Variants in PACSIN2 observed in about 807,000 individuals in gnomAD.
The protein encoded by PACSIN2 is protein kinase C and casein kinase substrate in neurons protein 2.
PACSIN2 carries 25 observed loss-of-function variants against 63.8 expected under a neutral mutation model. That is an observed-to-expected ratio of 0.39 (90% CI 0.29 to 0.55). The LOEUF (loss-of-function observed/expected upper bound fraction) is 0.55. Among genes scored for constraint, PACSIN2 ranks in the 20% least tolerant of loss-of-function variants. PACSIN2 has a pLI of 0.62. For missense variants in PACSIN2, 518 were observed against 646.9 expected (o/e 0.80, Z 2.16); for synonymous variants, 255 against 256.2 (o/e 1.00, Z 0.05).
intron 1 of PACSIN2, among the ~76,000 whole-genome samples, chr22:42,992,987 A>C (rs889847478): frequency 1.3e-5 from 2 of 152,140 alleles, no homozygotes; most frequent in African/African-American, 4.8e-5. Flanking sequence ...AACACAGTGA[A>C]GCCCCGTCTC....
At chr22:42,893,349 A>C in intron 3 of PACSIN2, 108 bp downstream of exon 3, 2 of 1,191,428 alleles carry the variant, frequency 1.7e-6, no homozygotes, top group African/African-American at 3.0e-5. Flanking sequence ...CTCTTGCCCC[A>C]ATCTTAAAAG....
At chr22:42,962,650 T>C (rs1210963074) in intron 1 of PACSIN2, among the ~76,000 whole-genome samples, 1 of 151,378 alleles carries the variant, frequency 6.6e-6, no homozygotes, top group Admixed American at 6.6e-5. Flanking sequence ...CCAGCAGCCA[T>C]TCACAGTCCA....
chr22:42,897,502 T>A (rs1365555806), intron 2 of PACSIN2, among the ~76,000 whole-genome samples: 1 of 152,240 alleles, frequency 6.6e-6, no homozygotes, highest in Non-Finnish European at 1.5e-5. Context: ...TCCAAACATA[T>A]TAATTGCTTC....
chr22:42,972,723 C>CT (rs1377806770), intron 1 of PACSIN2, among the ~76,000 whole-genome samples: 1 of 152,062 alleles, frequency 6.6e-6, no homozygotes, highest in African/African-American at 2.4e-5. Context: ...CTGCCTCACT[C>CT]TAAGAAAAGT....
At chr22:42,912,258 A>G (rs1601508043) in intron 1 of PACSIN2, 101 bp from the exon 2 acceptor site, 1 of 559,610 alleles carries the variant, frequency 1.8e-6, no homozygotes, top group Non-Finnish European at 3.1e-6. Flanking sequence ...CACTGCCTTC[A>G]GTACAGGGCG....
intron 1 of PACSIN2, among the ~76,000 whole-genome samples, chr22:42,916,409 G>A (rs1931808599): frequency 6.7e-6 from 1 of 150,202 alleles, no homozygotes; most frequent in African/African-American, 2.5e-5. Context: ...GGGTGGGGGT[G>A]GGGATGGGGG....
Position 42,871,458 on chromosome 22 carries a change from T to A in PACSIN2, c.1360A>T (p.Thr454Ser). ...TGCTCATCCTCGTCCTCCATCTTGG[T>A]CAGCTCATCCCCTGCAAGACAAAGA... ...ELSFKAGDEL[T>S]KMEDEDEQGW... The change falls in exon 11 of 11, where the codon ACC becomes TCC. Residue 454 changes from threonine to serine, a missense_variant. Thr to Ser is a moderately conservative substitution (Grantham distance 58). Transcript: ENST00000263246. The surrounding 1 kb of genome is among the most constrained non-coding windows in gnomAD (Gnocchi z 5.4). 6.2e-7 allele frequency: 1 copy of A among 1,613,582 alleles called. No individual in the cohort carries two copies.
intron 7 of PACSIN2, 116 bp downstream of exon 7, chr22:42,882,068 G>C: frequency 7.9e-7 from 1 of 1,266,558 alleles, no homozygotes; most frequent in East Asian, 2.3e-5. Flanking sequence ...AAGGCTGCCT[G>C]ATAAACAGGG....
chr22:42,885,676 T>TA (rs1035668759), intron 5 of PACSIN2, among the ~76,000 whole-genome samples: 2 of 152,090 alleles, frequency 1.3e-5, no homozygotes, highest in African/African-American at 4.8e-5. Context: ...CCAAAGCAAC[T>TA]CCTCTTCTTG....
chr22:42,929,753 C>A (rs1474650756), intron 1 of PACSIN2, among the ~76,000 whole-genome samples: 5 of 152,240 alleles, frequency 3.3e-5, no homozygotes, highest in African/African-American at 1.2e-4. Flanking sequence ...CAGAGCCCTG[C>A]CCTTTCAGGT....
intron 7 of PACSIN2, among the ~76,000 whole-genome samples, chr22:42,881,814 C>T (rs1165239957): frequency 1.3e-5 from 2 of 152,058 alleles, no homozygotes; most frequent in African/African-American, 4.8e-5. Flanking sequence ...GAGGGGAGCA[C>T]TGTGGCTGCT....
At chr22:42,979,773 G>A (rs1921954709) in intron 1 of PACSIN2, among the ~76,000 whole-genome samples, 1 of 152,058 alleles carries the variant, frequency 6.6e-6, no homozygotes, top group Non-Finnish European at 1.5e-5. Flanking sequence ...GATTCCTGAG[G>A]ACAAAATCCC....
intron 1 of PACSIN2, among the ~76,000 whole-genome samples, chr22:42,942,880 TCTGA>T (rs761604011): frequency 2.0e-5 from 3 of 152,228 alleles, no homozygotes; most frequent in East Asian, 1.9e-4. Context: ...TCAAAACTGT[TCTGA>T]CTATTCTTGG....
rs1217544382 is a variant in PACSIN2, at chr22:42,893,627, C to T, written c.61-14G>A. 2 of 1,608,648 alleles carry T rather than the reference C, an allele frequency of 1.2e-6. No homozygotes were observed. Among genetic ancestry groups the T allele is most frequent in the Admixed American group, 3.3e-5 (2 of 59,864 alleles). On this transcript the variant is annotated splice_polypyrimidine_tract_variant and intron_variant, in intron 2 of 10. Coordinates refer to ENST00000263246, the MANE Select transcript of PACSIN2 (RefSeq NM_001184970.3). ...GTAGTTCCCGACCTAGGAGAGAGAA[C>T]CAGCTGGGAGGCAGGGGGCTTGGGG... is the stretch of plus-strand genomic sequence containing the variant.
At chr22:42,986,133 A>G (rs1922595862) in intron 1 of PACSIN2, among the ~76,000 whole-genome samples, 1 of 152,242 alleles carries the variant, frequency 6.6e-6, no homozygotes. Context: ...AACAGTAAGC[A>G]TTAGGCAAGG....
intron 1 of PACSIN2, among the ~76,000 whole-genome samples, chr22:42,939,364 A>G (rs2146798302): frequency 6.6e-6 from 1 of 152,342 alleles, no homozygotes; most frequent in South Asian, 2.1e-4. Flanking sequence ...ACTTACTTTA[A>G]AAAGGACAAA....
intron 1 of PACSIN2, among the ~76,000 whole-genome samples, chr22:42,979,523 C>CAAA (rs768725896): frequency 3.4e-3 from 208 of 61,576 alleles, no homozygotes; most frequent in African/African-American, 0.012. Context: ...GACTCCCTCT[C>CAAA]AAAAAAAAAA....
At chr22:42,921,615 T>G (rs73886177) in intron 1 of PACSIN2, among the ~76,000 whole-genome samples, 6,394 of 152,176 alleles carry the variant, frequency 0.042, 484 homozygotes, top group African/African-American at 0.15. Flanking sequence ...TAATGAAATC[T>G]GATGAGAATT....
At chr22:42,897,302 A>G (rs1219673814) in intron 2 of PACSIN2, among the ~76,000 whole-genome samples, 1 of 149,054 alleles carries the variant, frequency 6.7e-6, no homozygotes, top group African/African-American at 2.6e-5. Context: ...TTACAATGCA[A>G]GAAAATTAAT....
Sources: allele counts gnomAD v4.1 joint callset (sites outside exome capture counted in the v4.1 genomes callset), GRCh38; gene constraint gnomAD v4.1.1; non-coding constraint Gnocchi (gnomAD v3.1); transcripts MANE v1.5; gene names NCBI Gene and HGNC (gene_info 2026-07-23, HGNC 2026-07-21).